The following AQP8 variants were observed in gnomAD, a reference collection of about 807,000 sequenced individuals.
AQP8 encodes aquaporin-8.
AQP8 carries 14 observed loss-of-function variants against 26.1 expected under a neutral mutation model. The ratio of observed to expected loss-of-function variants is 0.54; its 90% CI spans 0.35 to 0.84. The LOEUF is 0.84. Among genes scored for constraint, AQP8 ranks in the 40% least tolerant of loss-of-function variants. The probability of loss-of-function intolerance (pLI) is 0.01; values close to 1 mark genes in which losing one functional copy is unlikely to be tolerated. For synonymous variants in AQP8, 131 were observed against 150.7 expected, an observed-to-expected ratio of 0.87 and a Z score of 0.96; for missense variants, 301 against 340.5, an observed-to-expected ratio of 0.88 and a Z score of 0.91.
chr16:25,225,472 C>CTTT (rs34470670), intron 4 of AQP8, among the ~76,000 whole-genome samples: 15 of 141,848 alleles, frequency 1.1e-4, no homozygotes, highest in African/African-American at 3.6e-4. Flanking sequence ...CTTACAAGCC[C>CTTT]TTTTTTTTTT....
In AQP8 at chr16:25,224,555, T is replaced by A. The variant is rs749345455; in HGVS notation, c.581T>A (p.Val194Asp). ...PLAPFSIGFA[V>D]TVDILAGGPV... ...GCCCCGTTCTCCATCGGCTTTGCCG[T>A]CACCGTGGATATCCTGGCTGGGTGA... Residue 194 changes from valine (V) to aspartate (D), a missense_variant, in exon 4 of 6, where the codon GTC becomes GAC. Physicochemically the swap from Val to Asp is radical, Grantham distance 152. Coordinates refer to ENST00000219660, the MANE Select transcript of AQP8 (RefSeq NM_001169.3). 6.2e-7 allele frequency: 1 copy of A among 1,612,350 alleles called. No homozygotes were observed. The highest frequency in any genetic ancestry group is 1.1e-5 in the South Asian group (1 of 91,058).
intron 4 of AQP8, among the ~76,000 whole-genome samples, chr16:25,225,556 G>A (rs1430760333): frequency 1.3e-5 from 2 of 150,966 alleles, no homozygotes; most frequent in Non-Finnish European, 2.9e-5. Context: ...ACAGGCGTCC[G>A]CCACCACGCC....
chr16:25,217,434 G>A lies in AQP8; in HGVS notation c.249G>A (p.Leu83=), dbSNP rs780025905. ...CTTTGGGGCTCGTGATTGCCACGCT[G>A]GGGAATATCAGGTGAGACCAGCTCT... ...GLALGLVIAT[L]GNISGGHFNP... The change falls in exon 2 of 6, where the codon CTG becomes CTA. Residue 83 remains leucine (L), a synonymous_variant. Transcript: ENST00000219660. 5 of 1,614,022 alleles carry A rather than the reference G, an allele frequency of 3.1e-6. No individual in the cohort carries two copies. The highest frequency in any genetic ancestry group is 4.2e-6 in the Non-Finnish European group (5 of 1,179,982).
chr16:25,228,522 A>C lies in AQP8; in HGVS notation c.*30A>C. 6.2e-7 allele frequency: 1 copy of C among 1,612,498 alleles called. No individual in the cohort carries two copies. Among genetic ancestry groups the C allele is most frequent in the Non-Finnish European group, 8.5e-7 (1 of 1,178,624 alleles). On this transcript the variant is annotated 3_prime_UTR_variant, in exon 6 of 6. Coordinates refer to ENST00000219660, the MANE Select transcript of AQP8 (RefSeq NM_001169.3). The stretch of plus-strand genomic sequence containing the variant: ...GAGCTCGTGGGATTCCTGCTGCTCC[A>C]GGTGTCCTCAGCTCACCTGTCCCAG...
In AQP8 at chr16:25,221,900, T is replaced by A. The variant is rs113470124; in HGVS notation, c.387+317T>A. On this transcript the variant is annotated intron_variant, in intron 3 of 5. Coordinates refer to ENST00000219660, the MANE Select transcript of AQP8 (RefSeq NM_001169.3). Reference sequence around the variant, plus strand: ...CTCCCACCTCAGCCTCCTGAGTAACTGGGATTACAGGCGCATGCCACCATG... The same window carrying A: ...CTCCCACCTCAGCCTCCTGAGTAACAGGGATTACAGGCGCATGCCACCATG... Among the ~76,000 whole-genome samples the A allele has an allele frequency of 8.0e-3, 1,221 of 152,144 alleles. 21 individuals carry two copies. The highest frequency in any genetic ancestry group is 0.028 in the African/African-American group (1,173 of 41,496).
intron 3 of AQP8, 77 bp from the exon 4 acceptor site, chr16:25,224,285 C>A: frequency 1.5e-6 from 2 of 1,377,412 alleles, no homozygotes; most frequent in Non-Finnish European, 2.0e-6. Context: ...GGGTAGCATG[C>A]GTTTTTTAGG....
rs2141341161 is a variant in AQP8, at chr16:25,221,481, G to A, written c.285G>A (p.Val95=). 2 of 1,614,112 alleles carry A rather than the reference G, an allele frequency of 1.2e-6. No individual in the cohort carries two copies. The highest frequency in any genetic ancestry group is 4.5e-5 in the East Asian group (2 of 44,874). The stretch of plus-strand genomic sequence containing the variant: ...GTGGTGGACACTTCAACCCTGCGGT[G>A]TCCCTGGCAGCCATGCTGATCGGAG... ...NISGGHFNPA[V]SLAAMLIGGL... is the part of the protein sequence containing the mutation. The change falls in exon 3 of 6, where the codon GTG becomes GTA. Residue 95 remains valine (V), a synonymous_variant. Transcript: ENST00000219660.
chr16:25,228,354 T>C (rs1962662261), intron 5 of AQP8, 90 bp from the exon 6 acceptor site: 3 of 1,258,746 alleles, frequency 2.4e-6, no homozygotes, highest in Non-Finnish European at 3.5e-6. Context: ...CAGGAAGTCA[T>C]CTTTCTGGAG....
At chr16:25,220,450 G>C (rs1224604346) in intron 2 of AQP8, among the ~76,000 whole-genome samples, 1 of 152,182 alleles carries the variant, frequency 6.6e-6, no homozygotes, top group Non-Finnish European at 1.5e-5. Context: ...GGCCTGGGCT[G>C]GTTGAACATC....
At chr16:25,227,890 C>T (rs1199317248) in intron 5 of AQP8, among the ~76,000 whole-genome samples, 3 of 151,334 alleles carry the variant, frequency 2.0e-5, no homozygotes, top group African/African-American at 7.3e-5. Flanking sequence ...CGCTGGGTTA[C>T]AGGCGTGAGC....
chr16:25,224,910 G>A (rs1359328423), intron 4 of AQP8, among the ~76,000 whole-genome samples: 1 of 152,204 alleles, frequency 6.6e-6, no homozygotes, highest in Non-Finnish European at 1.5e-5. Flanking sequence ...GTGTTCATTC[G>A]GTCAGCGGGC....
intron 3 of AQP8, among the ~76,000 whole-genome samples, chr16:25,222,796 G>A (rs1962581355): frequency 6.6e-6 from 1 of 151,916 alleles, no homozygotes; most frequent in Non-Finnish European, 1.5e-5. Context: ...CCCCTGCTGT[G>A]GTCTCTCCAT....
chr16:25,224,659 A>G (rs1567344682), intron 4 of AQP8, 83 bp downstream of exon 4: 3 of 1,405,716 alleles, frequency 2.1e-6, no homozygotes, highest in Non-Finnish European at 2.9e-6. Flanking sequence ...AGGGTCACAG[A>G]TTCAGTTGCT....
chr16:25,222,550 A>C (rs1166068746), intron 3 of AQP8, among the ~76,000 whole-genome samples: 1 of 151,814 alleles, frequency 6.6e-6, no homozygotes, highest in African/African-American at 2.4e-5. Flanking sequence ...CCATGGATAG[A>C]CTTTCTCCCT....
At chr16:25,227,417 T>C (rs1962650469) in intron 5 of AQP8, among the ~76,000 whole-genome samples, 1 of 152,230 alleles carries the variant, frequency 6.6e-6, no homozygotes, top group Non-Finnish European at 1.5e-5. Flanking sequence ...AGGAATTCAT[T>C]GGCTCACATC....
In AQP8 at chr16:25,217,408, GC is replaced by G; in HGVS notation, c.224del (p.Ala75ValfsTer5). 6.2e-7 allele frequency: 1 copy of G among 1,614,158 alleles called. No homozygotes were observed. The highest frequency in any genetic ancestry group is 8.5e-7 in the Non-Finnish European group (1 of 1,180,030). Reference protein sequence around the residue: ...LLQPALAHGLALGLVIATLGN... With the variant: ...LLQPALAHGLXLGLVIATLGN... ...GCAGCCGGCCCTGGCCCACGGGCTG[GC>G]TTTGGGGCTCGTGATTGCCACGCTG... On this transcript the variant is annotated frameshift_variant, in exon 2 of 6. Coordinates refer to ENST00000219660, the MANE Select transcript of AQP8 (RefSeq NM_001169.3). LOFTEE classifies it high-confidence loss of function.
chr16:25,225,493 G>A (rs1243135444), intron 4 of AQP8, among the ~76,000 whole-genome samples: 2 of 144,350 alleles, frequency 1.4e-5, no homozygotes, highest in Admixed American at 7.0e-5. Flanking sequence ...TTTTAGCTCC[G>A]CTTCCCGGGT....
At chr16:25,227,443 G>A (rs1012024116) in intron 5 of AQP8, among the ~76,000 whole-genome samples, 1 of 152,210 alleles carries the variant, frequency 6.6e-6, no homozygotes, top group African/African-American at 2.4e-5. Context: ...AAACTTCACA[G>A]GTAGCAGTGG....
chr16:25,228,520 C>G lies in AQP8; in HGVS notation c.*28C>G, dbSNP rs774523342. 11 of 1,612,690 alleles carry G rather than the reference C, an allele frequency of 6.8e-6. No individual in the cohort carries two copies. Among genetic ancestry groups the G allele is most frequent in the Non-Finnish European group, 8.5e-6 (10 of 1,178,738 alleles). ...CAGAGCTCGTGGGATTCCTGCTGCT[C>G]CAGGTGTCCTCAGCTCACCTGTCCC... On this transcript the variant is annotated 3_prime_UTR_variant, in exon 6 of 6. Coordinates refer to ENST00000219660, the MANE Select transcript of AQP8 (RefSeq NM_001169.3).
Sources: gnomAD v4.1 joint callset for allele counts (sites outside exome capture counted in the v4.1 genomes callset) on GRCh38, gnomAD v4.1.1 for gene constraint, MANE v1.5 for transcripts, NCBI Gene and HGNC (gene_info 2026-07-23, HGNC 2026-07-21) for gene names.